Variants in ADAM22 observed in about 807,000 individuals in gnomAD.
ADAM22 encodes the protein ADAM metallopeptidase domain 22, also known as disintegrin and metalloproteinase domain-containing protein 22.
Under a neutral mutation model 144.6 loss-of-function variants are expected in ADAM22, and 65 were observed. That is an observed-to-expected ratio of 0.45 (90% CI 0.37 to 0.55). The LOEUF is 0.55. Ranked by LOEUF, ADAM22 falls within the 20% of genes least tolerant of loss-of-function variation. The probability of loss-of-function intolerance (pLI) is 0.00; values close to 1 mark genes in which losing one functional copy is unlikely to be tolerated. For missense variants in ADAM22, 974 were observed against 1,184.9 expected (o/e 0.82, Z 2.61); for synonymous variants, 391 against 412.6 (o/e 0.95, Z 0.63).
intron 4 of ADAM22, among the ~76,000 whole-genome samples, chr7:88,086,986 C>A (rs558076752): frequency 6.6e-6 from 1 of 152,130 alleles, no homozygotes; most frequent in Admixed American, 6.5e-5. Context: ...CCATTCAATC[C>A]TCAAGACAAC....
chr7:88,128,250 G>A (rs952793696), intron 8 of ADAM22, among the ~76,000 whole-genome samples: 4 of 152,004 alleles, frequency 2.6e-5, no homozygotes, highest in South Asian at 2.1e-4. Context: ...TGAAATAAAC[G>A]GAAGTACAAA....
chr7:88,046,534 T>A (rs1459297347), intron 3 of ADAM22, among the ~76,000 whole-genome samples: 1 of 152,224 alleles, frequency 6.6e-6, no homozygotes, highest in Non-Finnish European at 1.5e-5. Context: ...CTCTTCATTC[T>A]GTTGATTGTT....
chr7:88,134,387 GTAT>G lies in ADAM22; in HGVS notation c.1140_1142del (p.Ile381del). ...GCCCAGTCATTAGCCCATAATATTGGTATTATCTCAGACAAAAGAAAGTTAGCA... is the reference window on the plus strand; with the variant it reads ...GCCCAGTCATTAGCCCATAATATTGGTATCTCAGACAAAAGAAAGTTAGCA... On this transcript the variant is annotated inframe_deletion, in exon 13 of 32. Coordinates refer to ENST00000413139, the MANE Select transcript of ADAM22 (RefSeq NM_001324418.2). The G allele has an allele frequency of 6.2e-7, 1 of 1,610,374 alleles. No individual in the cohort carries two copies. The highest frequency in any genetic ancestry group is 8.5e-7 in the Non-Finnish European group (1 of 1,178,616).
chr7:88,023,308 A>G (rs566708750), intron 3 of ADAM22, among the ~76,000 whole-genome samples: 2 of 152,334 alleles, frequency 1.3e-5, no homozygotes, highest in East Asian at 1.9e-4. Flanking sequence ...TTCAAGGATT[A>G]TATGAAATAC....
intron 2 of ADAM22, among the ~76,000 whole-genome samples, chr7:87,955,633 G>A (rs1846477253): frequency 6.6e-6 from 1 of 152,194 alleles, no homozygotes. Context: ...CCAGCTGCGT[G>A]CTGGGAGAAC....
intron 6 of ADAM22, 69 bp from the exon 7 acceptor site, chr7:88,116,676 C>G: frequency 7.6e-7 from 1 of 1,313,904 alleles, no homozygotes; most frequent in Non-Finnish European, 1.1e-6. Context: ...GGGTCTCCAG[C>G]TATGTTTGCC....
chr7:88,114,565 A>T lies in ADAM22; in HGVS notation c.474-19A>T. ...TGAGAGTCGATGGCCATGCCTAATT[A>T]TTTTTTTGTCGTTGGCAGTGGGATG... On this transcript the variant is annotated intron_variant, in intron 5 of 31. Coordinates refer to ENST00000413139, the MANE Select transcript of ADAM22 (RefSeq NM_001324418.2). The T allele has an allele frequency of 1.2e-6, 2 of 1,612,596 alleles. No individual in the cohort carries two copies. The highest frequency in any genetic ancestry group is 1.7e-6 in the Non-Finnish European group (2 of 1,179,038).
intron 3 of ADAM22, among the ~76,000 whole-genome samples, chr7:88,044,146 G>C (rs1275533420): frequency 2.0e-5 from 3 of 152,148 alleles, no homozygotes; most frequent in African/African-American, 7.2e-5. Context: ...TCAAATAATA[G>C]CCCTTGACTG....
intron 2 of ADAM22, among the ~76,000 whole-genome samples, chr7:87,964,239 T>C (rs938415381): frequency 1.3e-5 from 2 of 152,248 alleles, no homozygotes; most frequent in African/African-American, 4.8e-5. Context: ...CTACAAGCTT[T>C]TCCTGCCATA....
chr7:88,198,269 A>G lies in ADAM22; in HGVS notation c.*1778A>G, dbSNP rs1850886247. ...GGGCCGAGTTAGAAGGCAGCATTTT[A>G]TACTGTGTGTTTATGTCTTCTGTAA... On this transcript the variant is annotated 3_prime_UTR_variant, in exon 32 of 32. Transcript: ENST00000413139. The G allele has an allele frequency of 6.6e-6, 1 of 152,232 alleles. No homozygotes were observed. Among genetic ancestry groups the G allele is most frequent in the Non-Finnish European group, 1.5e-5 (1 of 68,042 alleles). The allele number at this position is 152,232 out of a possible 1,614,324, so 9.4% of individuals were successfully genotyped here.
intron 3 of ADAM22, among the ~76,000 whole-genome samples, chr7:88,019,837 G>A (rs932467511): frequency 9.2e-5 from 14 of 151,354 alleles, no homozygotes; most frequent in African/African-American, 1.7e-4. Context: ...GCGACAGAGC[G>A]TGACTCTATC....
rs539775718 is a variant in ADAM22 at position 87,935,197 on chromosome 7, C to T, written c.246+11C>T. The T allele has an allele frequency of 1.4e-5, 22 of 1,586,378 alleles. No homozygotes were observed. The highest frequency in any genetic ancestry group is 3.5e-5 in the Admixed American group (2 of 56,682). ...CTCGGTGGCCCGCAGGTGAGAGGCTCGGTCCGGGAGGTGGTCCTCCGCGCC... is the reference window on the plus strand; with the variant it reads ...CTCGGTGGCCCGCAGGTGAGAGGCTTGGTCCGGGAGGTGGTCCTCCGCGCC... On this transcript the variant is annotated intron_variant, in intron 2 of 31. Coordinates refer to ENST00000413139, the MANE Select transcript of ADAM22 (RefSeq NM_001324418.2).
At chr7:87,992,041 C>T (rs1368427506) in intron 3 of ADAM22, among the ~76,000 whole-genome samples, 2 of 152,190 alleles carry the variant, frequency 1.3e-5, no homozygotes, top group Non-Finnish European at 2.9e-5. Flanking sequence ...GTTCAAGCCA[C>T]TCTTGACCAT....
intron 31 of ADAM22, among the ~76,000 whole-genome samples, chr7:88,193,743 G>A (rs1002958632): frequency 3.9e-5 from 6 of 152,166 alleles, no homozygotes; most frequent in Non-Finnish European, 8.8e-5. Context: ...TAGAAATAAT[G>A]TTGCAAAAAA....
At chr7:88,149,179 C>T in intron 18 of ADAM22, 122 bp downstream of exon 18, 2 of 692,490 alleles carry the variant, frequency 2.9e-6, no homozygotes, top group Non-Finnish European at 4.9e-6. Context: ...ATCATTTCTC[C>T]ATTTTTTTTA....
chr7:87,944,692 A>G (rs974269034), intron 2 of ADAM22, among the ~76,000 whole-genome samples: 4 of 152,154 alleles, frequency 2.6e-5, no homozygotes, highest in African/African-American at 7.2e-5. Flanking sequence ...AGAAGATACT[A>G]GGCTGGTCAG....
intron 4 of ADAM22, among the ~76,000 whole-genome samples, chr7:88,090,701 TC>T (rs1819626484): frequency 6.6e-6 from 1 of 152,172 alleles, no homozygotes; most frequent in South Asian, 2.1e-4. Context: ...AGCTCAACTT[TC>T]TAAAAGTGAT....
intron 31 of ADAM22, among the ~76,000 whole-genome samples, chr7:88,195,288 G>C (rs1486177175): frequency 1.3e-5 from 2 of 151,974 alleles, no homozygotes; most frequent in African/African-American, 4.8e-5. Context: ...TCCTTTTCTG[G>C]TGAACTGAGT....
Position 88,049,491 on chromosome 7 carries a change from C to T in ADAM22, c.324-26135C>T, listed in dbSNP as rs10264589. 2.2e-3 allele frequency among the ~76,000 whole-genome samples: 332 copies of T among 152,214 alleles called. 4 individuals are homozygous for T. The highest frequency in any genetic ancestry group is 7.5e-3 in the African/African-American group (310 of 41,546). On this transcript the variant is annotated intron_variant, in intron 3 of 31. Transcript: ENST00000413139. ...TTGGCTCACTGCAACCTCCGCTTCC[C>T]GGATTCAAGCAATTCTCCTGCCTCA...
Sources: allele counts gnomAD v4.1 joint callset (sites outside exome capture counted in the v4.1 genomes callset), GRCh38; gene constraint gnomAD v4.1.1; transcripts MANE v1.5; gene names NCBI Gene and HGNC (gene_info 2026-07-23, HGNC 2026-07-21).